Variants in ILKAP observed in about 807,000 individuals in gnomAD.
The protein encoded by ILKAP is integrin-linked kinase-associated serine/threonine phosphatase 2C.
Under a neutral mutation model 49.1 loss-of-function variants are expected in ILKAP, and 11 were observed. The observed-to-expected ratio is 0.22, with a 90% confidence interval of 0.14 to 0.37. The LOEUF (loss-of-function observed/expected upper bound fraction) is 0.37, where lower values mean the gene tolerates loss of function less well. ILKAP is among the 10% of genes least tolerant of loss of function. The probability of loss-of-function intolerance (pLI) is 1.00; values close to 1 mark genes in which losing one functional copy is unlikely to be tolerated. For synonymous variants in ILKAP, 186 were observed against 192.8 expected, an observed-to-expected ratio of 0.96 and a Z score of 0.29; for missense variants, 363 against 510.8, an observed-to-expected ratio of 0.71 and a Z score of 2.79.
At chr2:238,190,424 C>T (rs1694073436) in intron 3 of ILKAP, among the ~76,000 whole-genome samples, 1 of 152,130 alleles carries the variant, frequency 6.6e-6, no homozygotes, top group Non-Finnish European at 1.5e-5. Context: ...TGTAATACAT[C>T]CTTTCAAAGG....
At chr2:238,180,172 A>C (rs1693628687) in intron 9 of ILKAP, among the ~76,000 whole-genome samples, 1 of 150,468 alleles carries the variant, frequency 6.6e-6, no homozygotes, top group African/African-American at 2.4e-5. Context: ...TCTCTCAAAA[A>C]AAAAAAAGAA....
intron 9 of ILKAP, among the ~76,000 whole-genome samples, chr2:238,175,726 C>T (rs534306679): frequency 6.6e-6 from 1 of 152,168 alleles, no homozygotes; most frequent in African/African-American, 2.4e-5. Flanking sequence ...CTCAGCCCCA[C>T]CAGCCCCACA....
rs1419118088 is a variant in ILKAP, at chr2:238,189,874, C to T, written c.277G>A (p.Val93Met). 1.2e-6 allele frequency: 2 copies of T among 1,613,924 alleles called. No homozygotes were observed. The highest frequency in any genetic ancestry group is 1.3e-5 in the African/African-American group (1 of 74,922). ...AAACCTTTACAAACTTTCTTTTCCA[C>T]AAGCTCTTCACTGCCATTCTTCTCT... ...EEEKNGSEEL[V>M]EKKVCKASSV... The change falls in exon 4 of 12, where the codon GTG becomes ATG. Residue 93 changes from valine to methionine, a missense_variant. Val to Met is a conservative substitution (Grantham distance 21). Transcript: ENST00000254654.
At chr2:238,173,785 T>A in intron 9 of ILKAP, 132 bp from the exon 10 acceptor site, 1 of 1,081,684 alleles carries the variant, frequency 9.2e-7, no homozygotes, top group Non-Finnish European at 1.3e-6. Context: ...TATTAACCAC[T>A]ACTGACATTT....
chr2:238,201,251 T>C (rs1056048168), intron 1 of ILKAP, among the ~76,000 whole-genome samples: 1 of 152,250 alleles, frequency 6.6e-6, no homozygotes, highest in African/African-American at 2.4e-5. Context: ...ACAAACGATT[T>C]TAACCTGTCA....
chr2:238,196,891 AG>A (rs1453146766), intron 1 of ILKAP, among the ~76,000 whole-genome samples: 5 of 152,254 alleles, frequency 3.3e-5, no homozygotes, highest in Admixed American at 1.3e-4. Context: ...TACAAGAAGC[AG>A]AAGAAAGCCA....
intron 1 of ILKAP, among the ~76,000 whole-genome samples, chr2:238,197,000 G>A (rs1452420199): frequency 2.0e-5 from 3 of 152,160 alleles, no homozygotes; most frequent in Admixed American, 6.5e-5. Context: ...AGTTCAAGAT[G>A]AGCCTGACCA....
chr2:238,199,193 T>G (rs1694468873), intron 1 of ILKAP, among the ~76,000 whole-genome samples: 1 of 152,240 alleles, frequency 6.6e-6, no homozygotes, highest in Non-Finnish European at 1.5e-5. Context: ...TCTCCACTCA[T>G]TCGACCAGAT....
intron 4 of ILKAP, among the ~76,000 whole-genome samples, chr2:238,189,196 T>C (rs1694022690): frequency 6.6e-6 from 1 of 152,068 alleles, no homozygotes; most frequent in African/African-American, 2.4e-5. Context: ...CAGGCGTCTG[T>C]AGTCCCAGCT....
At chr2:238,197,598 C>A (rs1694397891) in intron 1 of ILKAP, among the ~76,000 whole-genome samples, 1 of 152,196 alleles carries the variant, frequency 6.6e-6, no homozygotes, top group South Asian at 2.1e-4. Flanking sequence ...AAGCATTCCT[C>A]ACAATGCAAC....
chr2:238,182,546 A>G (rs1693740859), intron 8 of ILKAP, among the ~76,000 whole-genome samples: 1 of 152,248 alleles, frequency 6.6e-6, no homozygotes, highest in African/African-American at 2.4e-5. Context: ...AGACATGTCC[A>G]TGAGCCTATG....
chr2:238,203,558 G>A lies in ILKAP; in HGVS notation c.-5C>T. On this transcript the variant is annotated 5_prime_UTR_variant, in exon 1 of 12. Transcript: ENST00000254654. ...CAGGTCCCCGAAGAGGTCCATGGCG[G>A]AGGCTGGGTGGAGGCGGCAGCAGCG... is the stretch of plus-strand genomic sequence containing the variant. 8.6e-7 allele frequency: 1 copy of A among 1,166,374 alleles called. No individual in the cohort carries two copies. 72.3% of individuals were successfully genotyped at this position (1,166,374 alleles called of 1,614,324 possible).
At chr2:238,195,447 C>A (rs1694304259) in intron 1 of ILKAP, among the ~76,000 whole-genome samples, 1 of 152,020 alleles carries the variant, frequency 6.6e-6, no homozygotes, top group Admixed American at 6.6e-5. Flanking sequence ...TTCAGGTAAC[C>A]AAAGACAGAT....
intron 5 of ILKAP, chr2:238,186,032 G>A (rs1693895795): frequency 6.6e-6 from 1 of 152,146 alleles, no homozygotes; most frequent in African/African-American, 2.4e-5. Context: ...ATTTAAATCG[G>A]ATTTGGTTTT....
intron 5 of ILKAP, 109 bp downstream of exon 5, chr2:238,188,022 C>A: frequency 8.1e-7 from 1 of 1,230,554 alleles, no homozygotes; most frequent in Admixed American, 2.0e-5. Context: ...GATGTACAAT[C>A]AAGTGATGTG....
intron 1 of ILKAP, among the ~76,000 whole-genome samples, chr2:238,198,960 G>C (rs927624213): frequency 3.3e-5 from 5 of 152,130 alleles, no homozygotes; most frequent in African/African-American, 1.2e-4. Flanking sequence ...AAAAAGGGGG[G>C]ACAGGTTCCG....
Position 238,203,642 on chromosome 2 carries a change from CG to C in ILKAP, c.-90del, listed in dbSNP as rs1694673795. On this transcript the variant is annotated 5_prime_UTR_variant, in exon 1 of 12. Coordinates refer to ENST00000254654, the MANE Select transcript of ILKAP (RefSeq NM_030768.3). ...CCACACCCCGGGCGGGCGGCAGCAG[CG>C]GGCGGGCGACGGGCAGGGGCGGCCG... is the stretch of plus-strand genomic sequence containing the variant. The C allele has an allele frequency of 1.2e-6, 1 of 817,074 alleles. No homozygotes were observed. The highest frequency in any genetic ancestry group is 1.9e-5 in the African/African-American group (1 of 54,024). The allele number at this position is 817,074 out of a possible 1,614,324, so 50.6% of individuals were successfully genotyped here.
intron 8 of ILKAP, among the ~76,000 whole-genome samples, chr2:238,183,053 G>C (rs777987646): frequency 6.6e-6 from 1 of 152,146 alleles, no homozygotes; most frequent in Non-Finnish European, 1.5e-5. Context: ...GGAACACATG[G>C]TCCTGATGCA....
intron 6 of ILKAP, 109 bp from the exon 7 acceptor site, chr2:238,184,222 G>A (rs1010949833): frequency 2.3e-5 from 16 of 693,458 alleles, no homozygotes; most frequent in Middle Eastern, 2.5e-4. Flanking sequence ...ACGGAGTCTC[G>A]TTCTGTCACC....
Sources: allele counts gnomAD v4.1 joint callset (sites outside exome capture counted in the v4.1 genomes callset), GRCh38; gene constraint gnomAD v4.1.1; transcripts MANE v1.5; gene names NCBI Gene and HGNC (gene_info 2026-07-23, HGNC 2026-07-21).